Variants in CACNA2D4 observed in about 807,000 individuals in gnomAD.
The protein encoded by CACNA2D4 is calcium voltage-gated channel auxiliary subunit alpha2delta 4.
Under a neutral mutation model 163.8 loss-of-function variants are expected in CACNA2D4, and 157 were observed. That is an observed-to-expected ratio of 0.96 (90% CI 0.84 to 1.09). The LOEUF (loss-of-function observed/expected upper bound fraction) is 1.09, where lower values mean the gene tolerates loss of function less well. CACNA2D4 is among the 50% of genes least tolerant of loss of function. The pLI, the probability that CACNA2D4 is intolerant of heterozygous loss-of-function variation, is 0.00. For missense variants in CACNA2D4, 1,410 were observed against 1,479.9 expected, an observed-to-expected ratio of 0.95 and a Z score of 0.78; for synonymous variants, 598 against 586.9, an observed-to-expected ratio of 1.02 and a Z score of -0.27.
intron 26 of CACNA2D4, among the ~76,000 whole-genome samples, chr12:1,815,871 C>T (rs1392731368): frequency 6.6e-6 from 1 of 152,132 alleles, no homozygotes; most frequent in African/African-American, 2.4e-5. Flanking sequence ...TTAAGTGAGA[C>T]ATGAAGAAGA....
intron 6 of CACNA2D4, among the ~76,000 whole-genome samples, chr12:1,905,467 A>G (rs1397062315): frequency 2.0e-5 from 3 of 152,188 alleles, no homozygotes; most frequent in Non-Finnish European, 2.9e-5. Context: ...TAAAGATTCC[A>G]CAAAAAACTG....
intron 29 of CACNA2D4, among the ~76,000 whole-genome samples, chr12:1,807,098 T>TA (rs1863564692): frequency 6.6e-6 from 1 of 151,710 alleles, no homozygotes; most frequent in East Asian, 2.0e-4. Context: ...CAGAATATGG[T>TA]AAAAGTGATG....
At chr12:1,908,072 C>G (rs1866710885) in intron 4 of CACNA2D4, 35 bp from the exon 5 acceptor site, 6 of 1,586,230 alleles carry the variant, frequency 3.8e-6, no homozygotes, top group Non-Finnish European at 3.4e-6. Flanking sequence ...GGAGGCGGCC[C>G]GAGCACCGGG....
intron 31 of CACNA2D4, chr12:1,800,667 G>T: frequency 3.3e-6 from 2 of 600,086 alleles, no homozygotes; most frequent in Admixed American, 2.9e-5. Flanking sequence ...CAGACATCTC[G>T]GGTGGGGTTG....
At chr12:1,845,791 G>A (rs898925014) in intron 24 of CACNA2D4, among the ~76,000 whole-genome samples, 4 of 152,206 alleles carry the variant, frequency 2.6e-5, no homozygotes, top group Non-Finnish European at 4.4e-5. Flanking sequence ...CCTTGGCACC[G>A]GTGACATTTT....
intron 26 of CACNA2D4, chr12:1,830,845 G>A (rs1376084584): frequency 2.8e-6 from 3 of 1,078,972 alleles, no homozygotes; most frequent in African/African-American, 3.2e-5. Flanking sequence ...AAAGCCAAGA[G>A]CCTGTTATGA....
chr12:1,908,065 GGC>G, intron 4 of CACNA2D4, 28 bp from the exon 5 acceptor site: 3 of 1,592,470 alleles, frequency 1.9e-6, no homozygotes, highest in Non-Finnish European at 2.6e-6. Context: ...GGCCCACGGA[GGC>G]GGCCCGAGCA....
chr12:1,849,813 G>T (rs1049226226), intron 23 of CACNA2D4, among the ~76,000 whole-genome samples: 1 of 152,146 alleles, frequency 6.6e-6, no homozygotes, highest in Admixed American at 6.5e-5. Context: ...AAATATATTT[G>T]TATTTTCTCT....
Position 1,834,445 on chromosome 12 carries a change from C to T in CACNA2D4, c.2551+6294G>A, listed in dbSNP as rs1156684165. The T allele has an allele frequency of 2.5e-6, 4 of 1,612,236 alleles. No individual in the cohort carries two copies. Among genetic ancestry groups the T allele is most frequent in the African/African-American group, 1.3e-5 (1 of 74,930 alleles). ...AGGCCAGTCCAGAGCCTGCTAAGCC[C>T]AAGCCCGGGGCTGAGCCGGAGCCGG... On this transcript the variant is annotated intron_variant, in intron 26 of 37. Transcript: ENST00000382722. This position sits in a 1 kb window ranked among gnomAD's most constrained non-coding sequence, Gnocchi z 7.6.
At chr12:1,801,160 C>T (rs1863309682) in intron 30 of CACNA2D4, 42 bp from the exon 31 acceptor site, 1 of 1,538,346 alleles carries the variant, frequency 6.5e-7, no homozygotes, top group Non-Finnish European at 9.0e-7. Context: ...AAAGCCACCC[C>T]CACCCCCTGC....
intron 6 of CACNA2D4, among the ~76,000 whole-genome samples, chr12:1,898,786 G>T (rs1370867114): frequency 6.6e-6 from 1 of 151,974 alleles, no homozygotes; most frequent in African/African-American, 2.4e-5. Context: ...CTACAACATG[G>T]ATGGACCTTA....
At chr12:1,822,775 C>T (rs1864158640) in intron 26 of CACNA2D4, among the ~76,000 whole-genome samples, 1 of 152,164 alleles carries the variant, frequency 6.6e-6, no homozygotes, top group African/African-American at 2.4e-5. Context: ...GGGCAGCTGT[C>T]CTAGAGGGCC....
chr12:1,901,027 A>G (rs997853654), intron 6 of CACNA2D4, among the ~76,000 whole-genome samples: 29 of 152,204 alleles, frequency 1.9e-4, no homozygotes, highest in Admixed American at 2.6e-4. Context: ...GAATAAAACT[A>G]GAACTCAACA....
chr12:1,823,625 C>A (rs948857074), intron 26 of CACNA2D4, among the ~76,000 whole-genome samples: 1 of 151,906 alleles, frequency 6.6e-6, no homozygotes, highest in Non-Finnish European at 1.5e-5. Context: ...CAGCACACAA[C>A]CCCCAGCCAG....
rs900730264 is a variant in CACNA2D4 at position 1,875,503 on chromosome 12, C to G, written c.1720-166G>C. Among the ~76,000 whole-genome samples, 2 of 152,194 alleles carry G rather than the reference C, an allele frequency of 1.3e-5. No homozygotes were observed. Among genetic ancestry groups the G allele is most frequent in the Non-Finnish European group, 2.9e-5 (2 of 68,028 alleles). ...TTATCTGGGCAAATTCCACCTGATA[C>G]AGAGCTCCCCTTACTGACATCTATG... On this transcript the variant is annotated intron_variant, in intron 16 of 37. Coordinates refer to ENST00000382722, the MANE Select transcript of CACNA2D4 (RefSeq NM_172364.5). This position sits in a 1 kb window ranked among gnomAD's most constrained non-coding sequence, Gnocchi z 4.0.
intron 37 of CACNA2D4, 173 bp downstream of exon 37, chr12:1,795,126 C>A (rs1244422514): frequency 3.3e-6 from 2 of 607,926 alleles, no homozygotes; most frequent in Admixed American, 2.9e-5. Context: ...AGATCTGTTT[C>A]TTATTATATC....
chr12:1,823,864 C>T (rs929419309), intron 26 of CACNA2D4, among the ~76,000 whole-genome samples: 4 of 152,200 alleles, frequency 2.6e-5, no homozygotes, highest in Non-Finnish European at 1.5e-5. Context: ...AGAGGAAAGG[C>T]GGCATCTTCC....
At position 1,886,369 on chromosome 12, in the gene CACNA2D4, T is replaced by A. The variant is rs768464030; in HGVS notation, c.847A>T (p.Ile283Phe). 6.2e-7 allele frequency: 1 copy of A among 1,613,458 alleles called. No homozygotes were observed. Among genetic ancestry groups the A allele is most frequent in the East Asian group, 2.2e-5 (1 of 44,896 alleles). ...TCCTTGGGAGAAGTAGCAGCTTGAA[T>A]GTACCTGAAGGAAGAAAGGGACATG... ...TFDCRNRGWY[I>F]QAATSPKDIV... Residue 283 changes from isoleucine to phenylalanine, a missense_variant, in exon 8 of 38, where the codon ATT becomes TTT. Ile to Phe is a conservative substitution (Grantham distance 21). Transcript: ENST00000382722.
chr12:1,881,943 C>T (rs1866009991), intron 13 of CACNA2D4, among the ~76,000 whole-genome samples: 1 of 152,254 alleles, frequency 6.6e-6, no homozygotes, highest in African/African-American at 2.4e-5. Flanking sequence ...TGACCATTGC[C>T]TCGTTGCATT....
Sources: allele counts gnomAD v4.1 joint callset (sites outside exome capture counted in the v4.1 genomes callset), GRCh38; gene constraint gnomAD v4.1.1; non-coding constraint Gnocchi (gnomAD v3.1); transcripts MANE v1.5; gene names NCBI Gene and HGNC (gene_info 2026-07-23, HGNC 2026-07-21).